The following RAG1 variants were observed in gnomAD, a reference collection of about 807,000 sequenced individuals.
The protein encoded by RAG1 is recombination activating 1, also known as V(D)J recombination-activating protein 1.
RAG1 carries 35 observed loss-of-function variants against 62.7 expected under a neutral mutation model. That is an observed-to-expected ratio of 0.56 (90% CI 0.43 to 0.74). RAG1 has a LOEUF of 0.74. RAG1 is among the 30% of genes least tolerant of loss of function. The pLI, the probability that RAG1 is intolerant of heterozygous loss-of-function variation, is 0.00. For missense variants in RAG1, 1,169 were observed against 1,278.6 expected (o/e 0.91, Z 1.31); for synonymous variants, 461 against 470.3 (o/e 0.98, Z 0.26).
upstream of RAG1, among the ~76,000 whole-genome samples, chr11:36,566,063 T>G (rs1850657442): frequency 6.6e-6 from 1 of 152,174 alleles, no homozygotes; most frequent in African/African-American, 2.4e-5. Context: ...TACAGAAATC[T>G]ATGTTAAATA....
rs144430517 is a variant in RAG1, at chr11:36,573,736, G to A, written c.432G>A (p.Lys144=). The stretch of plus-strand genomic sequence containing the variant: ...AAACCCTAGGCCTTTTACGAAAGAA[G>A]GAAAAGAGAGCTACTTCCTGGCCGG... ...DGKTLGLLRK[K]EKRATSWPDL... is the part of the protein sequence containing the mutation. The change falls in exon 2 of 2, where the codon AAG becomes AAA. Residue 144 remains lysine (K), a synonymous_variant. Coordinates refer to ENST00000299440, the MANE Select transcript of RAG1 (RefSeq NM_000448.3). The A allele has an allele frequency of 5.0e-6, 8 of 1,613,914 alleles. No individual in the cohort carries two copies. The highest frequency in any genetic ancestry group is 1.3e-5 in the African/African-American group (1 of 74,922).
intron 3 of RAG1, among the ~76,000 whole-genome samples, chr11:36,545,022 G>T (rs1850372530): frequency 6.6e-6 from 1 of 152,114 alleles, no homozygotes; most frequent in Admixed American, 6.6e-5. Context: ...CGTGAGAATG[G>T]ACTAATACAA....
chr11:36,510,838 G>C (rs1859908640), exon 1 of RAG1: 1 of 152,192 alleles, frequency 6.6e-6, no homozygotes, highest in African/African-American at 2.4e-5. Context: ...TAAATTCCCT[G>C]TTTAACTGGT....
rs1187342308 is a variant in RAG1, at chr11:36,573,348, C to G, written c.44C>G (p.Pro15Arg). Residue 15 changes from proline to arginine, a missense_variant, in exon 2 of 2, where the codon CCA becomes CGA. Pro to Arg is a moderately radical substitution (Grantham distance 103, BLOSUM62 -2). Coordinates refer to ENST00000299440, the MANE Select transcript of RAG1 (RefSeq NM_000448.3). ...FPPTLGLSSAPDEIQHPHIKF... is the reference protein window; with the variant it reads ...FPPTLGLSSARDEIQHPHIKF... ...CCCACCTTGGGACTCAGTTCTGCCC[C>G]AGATGAAATTCAGCACCCACATATT... 6.2e-7 allele frequency: 1 copy of G among 1,614,062 alleles called. No homozygotes were observed. The highest frequency in any genetic ancestry group is 1.7e-5 in the Admixed American group (1 of 60,006).
chr11:36,514,893 A>G (rs201225346), intron 1 of RAG1, among the ~76,000 whole-genome samples: 166 of 152,346 alleles, frequency 1.1e-3, no homozygotes, highest in Middle Eastern at 0.01. Context: ...GCATGCAAAG[A>G]TCTTTCAGCA....
intron 2 of RAG1, among the ~76,000 whole-genome samples, chr11:36,524,339 A>AT (rs904871492): frequency 6.1e-5 from 5 of 81,754 alleles, no homozygotes; most frequent in Non-Finnish European, 1.3e-4. Context: ...TTAAAGTATA[A>AT]TAAAAAAAAA....
At chr11:36,549,170 C>G (rs1040896816) in intron 3 of RAG1, among the ~76,000 whole-genome samples, 7 of 152,168 alleles carry the variant, frequency 4.6e-5, no homozygotes, top group South Asian at 2.1e-4. Context: ...CATAAAAACC[C>G]TAGAAGAAAA....
chr11:36,521,667 G>A (rs1441881269), intron 2 of RAG1, among the ~76,000 whole-genome samples: 1 of 152,180 alleles, frequency 6.6e-6, no homozygotes, highest in Non-Finnish European at 1.5e-5. Context: ...AACAGGGAGA[G>A]GTTGGAACAG....
chr11:36,536,682 G>A (rs1050147133), downstream of RAG1, among the ~76,000 whole-genome samples: 1 of 150,972 alleles, frequency 6.6e-6, no homozygotes, highest in African/African-American at 2.4e-5. Flanking sequence ...GATATATAAA[G>A]TAAATAAAAT....
intron 2 of RAG1, among the ~76,000 whole-genome samples, chr11:36,526,621 G>C (rs1005010457): frequency 6.6e-6 from 1 of 152,078 alleles, no homozygotes; most frequent in Non-Finnish European, 1.5e-5. Context: ...TAGTTCAAAT[G>C]GTATTTCTAG....
intron 3 of RAG1, among the ~76,000 whole-genome samples, chr11:36,549,701 T>A (rs1156352576): frequency 6.6e-6 from 1 of 152,198 alleles, no homozygotes; most frequent in Non-Finnish European, 1.5e-5. Flanking sequence ...TGGAAGACAG[T>A]GTGGTGATTC....
intron 2 of RAG1, among the ~76,000 whole-genome samples, chr11:36,530,007 A>G (rs1005591248): frequency 4.6e-5 from 7 of 152,092 alleles, no homozygotes; most frequent in South Asian, 2.1e-4. Context: ...CTTAATAACT[A>G]TGCAACTACT....
intron 3 of RAG1, among the ~76,000 whole-genome samples, chr11:36,560,458 G>A (rs1170440279): frequency 6.6e-6 from 1 of 152,194 alleles, no homozygotes; most frequent in Non-Finnish European, 1.5e-5. Context: ...TGGCTTTGTA[G>A]TCTTTTGTCT....
chr11:36,530,081 G>A (rs566337055), intron 2 of RAG1, among the ~76,000 whole-genome samples: 9 of 151,798 alleles, frequency 5.9e-5, no homozygotes, highest in South Asian at 2.1e-4. Flanking sequence ...GTCCATTTTC[G>A]TCTTAATTGT....
At position 36,549,118 on chromosome 11, in the gene RAG1, T is replaced by C. The variant is rs866458747; in HGVS notation, c.-412+13084T>C. ...CCTTCCTTACACCTTATACAAAAAT[T>C]AACTCAAGATGGATTAAAGGCTTAA... is the stretch of plus-strand genomic sequence containing the variant. On this transcript the variant is annotated intron_variant and NMD_transcript_variant, in intron 3 of 9. Coordinates refer to the RAG1 transcript ENST00000534663. 4.6e-5 allele frequency among the ~76,000 whole-genome samples: 7 copies of C among 151,974 alleles called. No individual in the cohort carries two copies. The Middle Eastern group carries it at 0.014, about 295-fold the overall frequency.
chr11:36,559,753 A>G (rs959652925), intron 3 of RAG1, among the ~76,000 whole-genome samples: 3 of 152,016 alleles, frequency 2.0e-5, no homozygotes, highest in Non-Finnish European at 2.9e-5. Flanking sequence ...TGAATTTCTC[A>G]CTAAGATCTT....
chr11:36,511,290 CA>C (rs1859917052), intron 1 of RAG1, among the ~76,000 whole-genome samples: 3 of 152,114 alleles, frequency 2.0e-5, no homozygotes, highest in African/African-American at 7.2e-5. Flanking sequence ...CCCATCTTTA[CA>C]CAAAATTTAA....
In RAG1 at chr11:36,574,412, G is replaced by A. The variant is rs1402253537; in HGVS notation, c.1108G>A (p.Glu370Lys). The A allele has an allele frequency of 1.9e-6, 3 of 1,614,192 alleles. No individual in the cohort carries two copies. Among genetic ancestry groups the A allele is most frequent in the Non-Finnish European group, 2.5e-6 (3 of 1,180,032 alleles). The change falls in exon 2 of 2, where the codon GAA becomes AAA. Residue 370 changes from glutamate (E) to lysine (K), a missense_variant. By Grantham distance (56) the Glu-to-Lys change is moderately conservative (BLOSUM62 1). This residue lies in a region of RAG1 where 800 missense variants were observed against 943.3 expected (regional missense o/e 0.85). Coordinates refer to ENST00000299440, the MANE Select transcript of RAG1 (RefSeq NM_000448.3). ...AGAGTGCAATGAGGAGGTCAGTTTGGAAAAATATAATCACCACATCTCAAG... is the reference window on the plus strand; with the variant it reads ...AGAGTGCAATGAGGAGGTCAGTTTGAAAAAATATAATCACCACATCTCAAG... ...AKECNEEVSL[E>K]KYNHHISSHK...
chr11:36,526,378 C>A (rs1356428472), intron 2 of RAG1, among the ~76,000 whole-genome samples: 1 of 152,000 alleles, frequency 6.6e-6, no homozygotes, highest in Non-Finnish European at 1.5e-5. Context: ...ATGATGGTTT[C>A]CAGCTTTATC....
Sources: allele counts gnomAD v4.1 joint callset (sites outside exome capture counted in the v4.1 genomes callset), GRCh38; gene constraint gnomAD v4.1.1; regional missense constraint gnomAD v4.1.1; transcripts MANE v1.5; gene names NCBI Gene and HGNC (gene_info 2026-07-23, HGNC 2026-07-21).